SYK: variants seen among roughly 807,000 people sequenced by gnomAD.
SYK encodes spleen associated tyrosine kinase, also known as tyrosine-protein kinase SYK.
A neutral mutation model predicts 77.8 loss-of-function variants in SYK; 16 were observed. The observed-to-expected ratio is 0.21, with a 90% CI of 0.14 to 0.31. The LOEUF (loss-of-function observed/expected upper bound fraction) is 0.31, where lower values mean the gene tolerates loss of function less well. Among genes scored for constraint, SYK ranks in the 10% least tolerant of loss-of-function variants. The probability of loss-of-function intolerance (pLI) is 1.00; values close to 1 mark genes in which losing one functional copy is unlikely to be tolerated. For missense variants in SYK, 529 were observed against 814.4 expected (o/e 0.65, Z 4.26); for synonymous variants, 312 against 308.7 (o/e 1.01, Z -0.11).
chr9:90,850,482 C>G (rs947291574), intron 3 of SYK, among the ~76,000 whole-genome samples: 6 of 152,068 alleles, frequency 3.9e-5, no homozygotes, highest in Non-Finnish European at 8.8e-5. Context: ...TGCCACTGCA[C>G]TCCAGCCTGG....
intron 7 of SYK, among the ~76,000 whole-genome samples, chr9:90,869,461 T>C (rs1273078441): frequency 6.6e-6 from 1 of 152,222 alleles, no homozygotes; most frequent in East Asian, 1.9e-4. Context: ...ATTAAAAATA[T>C]TTTAATTGCT....
At chr9:90,885,056 CTG>C (rs1174252811) in intron 11 of SYK, among the ~76,000 whole-genome samples, 1 of 150,234 alleles carries the variant, frequency 6.7e-6, no homozygotes, top group Admixed American at 6.7e-5. Context: ...TTTCAAAAAA[CTG>C]GAAGAAATGA....
intron 3 of SYK, among the ~76,000 whole-genome samples, chr9:90,855,090 G>A (rs1826977982): frequency 6.6e-6 from 1 of 151,566 alleles, no homozygotes; most frequent in Non-Finnish European, 1.5e-5. Context: ...CACAACCTGT[G>A]GGGCCCAACT....
intron 3 of SYK, among the ~76,000 whole-genome samples, chr9:90,853,139 A>T (rs1239609868): frequency 6.6e-6 from 1 of 151,412 alleles, no homozygotes; most frequent in East Asian, 1.9e-4. Context: ...GTAAAGGAAC[A>T]TTCTGGCTGC....
chr9:90,875,740 C>T (rs552235345), intron 9 of SYK, among the ~76,000 whole-genome samples: 7 of 152,170 alleles, frequency 4.6e-5, no homozygotes, highest in Non-Finnish European at 8.8e-5. Flanking sequence ...TGCTAAATTT[C>T]GAAAATATCT....
intron 11 of SYK, among the ~76,000 whole-genome samples, chr9:90,882,113 T>C (rs1262243465): frequency 6.6e-6 from 1 of 152,252 alleles, no homozygotes; most frequent in Non-Finnish European, 1.5e-5. Context: ...ATACACTACC[T>C]ATTTATGCAT....
chr9:90,873,797 C>G (rs1827824783), intron 7 of SYK, among the ~76,000 whole-genome samples: 1 of 152,112 alleles, frequency 6.6e-6, no homozygotes, highest in African/African-American at 2.4e-5. Flanking sequence ...AAATAATGTC[C>G]ATGTAATATG....
chr9:90,874,967 C>CTTGTTAATTTCTGG (rs1827872514), intron 9 of SYK, 118 bp downstream of exon 9: 1 of 1,221,698 alleles, frequency 8.2e-7, no homozygotes, highest in African/African-American at 1.5e-5. Context: ...TGCTACCATT[C>CTTGTTAATTTCTGG]TTGTTAATTT....
At position 90,895,938 on chromosome 9, in the gene SYK, A is replaced by T; in HGVS notation, c.*338A>T. The T allele has an allele frequency of 2.9e-6, 1 of 343,800 alleles. No individual in the cohort carries two copies. Among genetic ancestry groups the T allele is most frequent in the Non-Finnish European group, 5.6e-6 (1 of 179,986 alleles). 21.3% of individuals were successfully genotyped at this position (343,800 alleles called of 1,614,324 possible). On this transcript the variant is annotated 3_prime_UTR_variant, in exon 14 of 14. Coordinates refer to ENST00000375754, the MANE Select transcript of SYK (RefSeq NM_003177.7). This position sits in a 1 kb window ranked among gnomAD's most constrained non-coding sequence, Gnocchi z 4.4. ...CTCTGGGTCCCGGGGTGCATTTGTT[A>T]CTCATCGGGCCCAGGGACATTGCAG...
At chr9:90,877,884 C>G in intron 10 of SYK, 104 bp downstream of exon 10, 1 of 1,143,576 alleles carries the variant, frequency 8.7e-7, no homozygotes, top group Non-Finnish European at 1.3e-6. Flanking sequence ...CCTTCCCACC[C>G]TCCTGTGCCT....
chr9:90,855,220 C>T (rs371557143), intron 3 of SYK, among the ~76,000 whole-genome samples: 15 of 152,158 alleles, frequency 9.9e-5, no homozygotes, highest in Admixed American at 4.6e-4. Context: ...ATGGGATATA[C>T]GTGAATAAAA....
At chr9:90,807,269 C>T (rs891219636) in intron 1 of SYK, among the ~76,000 whole-genome samples, 1 of 152,134 alleles carries the variant, frequency 6.6e-6, no homozygotes, top group Non-Finnish European at 1.5e-5. Flanking sequence ...TTACCAAGCT[C>T]CTTAGGCTTT....
chr9:90,886,667 TGCACACTCCA>T (rs1033314917), intron 11 of SYK, among the ~76,000 whole-genome samples: 36 of 152,110 alleles, frequency 2.4e-4, no homozygotes, highest in East Asian at 1.9e-3. Context: ...ATCACACTAC[TGCACACTCCA>T]GCCTGGGCGA....
chr9:90,858,156 G>C (rs1012241826), intron 3 of SYK, among the ~76,000 whole-genome samples: 1 of 152,142 alleles, frequency 6.6e-6, no homozygotes, highest in Non-Finnish European at 1.5e-5. Context: ...GAGAGTAGAG[G>C]AGTCCAGCCC....
At chr9:90,839,790 G>A (rs189843540) in intron 1 of SYK, among the ~76,000 whole-genome samples, 2 of 152,282 alleles carry the variant, frequency 1.3e-5, no homozygotes, top group Admixed American at 1.3e-4. Context: ...CAGGTACACA[G>A]TGACAGGGGT....
intron 1 of SYK, among the ~76,000 whole-genome samples, chr9:90,828,068 T>A (rs1289500686): frequency 6.6e-6 from 1 of 152,132 alleles, no homozygotes; most frequent in Non-Finnish European, 1.5e-5. Context: ...GGTGTTTTGG[T>A]TTCTCTAGCA....
At position 90,895,818 on chromosome 9, in the gene SYK, G is replaced by A. The variant is rs1828961819; in HGVS notation, c.*218G>A. The A allele has an allele frequency of 1.9e-6, 1 of 531,212 alleles. No homozygotes were observed. The highest frequency in any genetic ancestry group is 3.4e-6 in the Non-Finnish European group (1 of 294,610). The allele number at this position is 531,212 out of a possible 1,614,324, so 32.9% of individuals were successfully genotyped here. A position where few individuals can be genotyped will look rare whatever the true frequency, so the allele number is the denominator to read the frequency against. On this transcript the variant is annotated 3_prime_UTR_variant, in exon 14 of 14. Transcript: ENST00000375754. The surrounding 1 kb of genome is among the most constrained non-coding windows in gnomAD (Gnocchi z 4.4). ...GAAAAGACGGATGGCAGGATCCAAG[G>A]GGCTAGCTGGATTTGTTTGTTTTCT...
chr9:90,884,172 CAT>C (rs1262275274), intron 11 of SYK, among the ~76,000 whole-genome samples: 12 of 147,600 alleles, frequency 8.1e-5, no homozygotes, highest in African/African-American at 2.8e-4. Context: ...CACACATACA[CAT>C]ACGTGTATAT....
chr9:90,897,367 A>T lies in SYK; in HGVS notation c.*1767A>T, dbSNP rs1829031032. On this transcript the variant is annotated 3_prime_UTR_variant, in exon 14 of 14. Transcript: ENST00000375754. ...AGTGCTGAGCAGATTCTCAAAACAC[A>T]TTTAGAATCCCTGAAATTAGAAAGA... The T allele has an allele frequency of 8.6e-6, 2 of 231,508 alleles. No homozygotes were observed. The highest frequency in any genetic ancestry group is 4.4e-5 in the African/African-American group (2 of 45,254). 14.3% of individuals were successfully genotyped at this position (231,508 alleles called of 1,614,324 possible). A position where few individuals can be genotyped will look rare whatever the true frequency, so the allele number is the denominator to read the frequency against.
Sources: gnomAD v4.1 joint callset for allele counts (sites outside exome capture counted in the v4.1 genomes callset) on GRCh38, gnomAD v4.1.1 for gene constraint, Gnocchi (gnomAD v3.1) non-coding constraint, MANE v1.5 for transcripts, NCBI Gene and HGNC (gene_info 2026-07-23, HGNC 2026-07-21) for gene names.